The following PARVB variants were observed in gnomAD, a reference collection of about 807,000 sequenced individuals.
PARVB encodes the protein beta-parvin.
Under a neutral mutation model 47.0 loss-of-function variants are expected in PARVB, and 46 were observed. The observed-to-expected ratio is 0.98, with a 90% confidence interval of 0.77 to 1.25. The LOEUF (loss-of-function observed/expected upper bound fraction) is 1.25, where lower values mean the gene tolerates loss of function less well. Among genes scored for constraint, PARVB ranks in the 50% most tolerant of loss-of-function variants. PARVB has a pLI of 0.00. For missense variants in PARVB, 473 were observed against 471.6 expected, an observed-to-expected ratio of 1.00 and a Z score of -0.03; for synonymous variants, 196 against 196.3, an observed-to-expected ratio of 1.00 and a Z score of 0.01.
intron 1 of PARVB, among the ~76,000 whole-genome samples, chr22:44,035,795 C>A (rs1165009104): frequency 6.6e-6 from 1 of 151,372 alleles, no homozygotes; most frequent in Non-Finnish European, 1.5e-5. Context: ...CCAAACAGAT[C>A]ACTTTTTTTT....
rs562836653 is a variant in PARVB at position 44,132,813 on chromosome 22, G to A, written c.518-81G>A. ...CGCTGGGGTCTCATTTAGATGCTGT[G>A]TCTCTGTTGCCTTCTGCACGTGGGC... On this transcript the variant is annotated intron_variant, in intron 5 of 12. Coordinates refer to ENST00000338758, the MANE Select transcript of PARVB (RefSeq NM_013327.5). 1.7e-5 allele frequency: 15 copies of A among 858,862 alleles called. No individual in the cohort carries two copies. In the East Asian group the frequency reaches 3.8e-4, roughly 22 times the overall value. The allele number at this position is 858,862 out of a possible 1,614,324, so 53.2% of individuals were successfully genotyped here.
At chr22:44,146,705 G>T (rs908222732) in intron 8 of PARVB, 2 of 152,448 alleles carry the variant, frequency 1.3e-5, no homozygotes, top group Non-Finnish European at 2.9e-5. Flanking sequence ...GGCCAGGGCG[G>T]TCCCTGAGGA....
intron 7 of PARVB, 102 bp from the exon 8 acceptor site, chr22:44,140,022 C>A (rs1418398307): frequency 3.3e-6 from 5 of 1,499,292 alleles, no homozygotes; most frequent in African/African-American, 2.8e-5. Flanking sequence ...AGCGAGGGCC[C>A]AGCTTTCTGG....
At chr22:44,096,147 T>C (rs559503346) in intron 2 of PARVB, among the ~76,000 whole-genome samples, 1 of 152,206 alleles carries the variant, frequency 6.6e-6, no homozygotes, top group Admixed American at 6.5e-5. Flanking sequence ...ATCGCTTGAA[T>C]CCAGGAGGCG....
At position 44,089,263 on chromosome 22, in the gene PARVB, A is replaced by G. The variant is rs1051996066; in HGVS notation, c.113-4665A>G. 2.0e-5 allele frequency: 3 copies of G among 152,246 alleles called. No individual in the cohort carries two copies. The highest frequency in any genetic ancestry group is 4.8e-5 in the African/African-American group (2 of 41,432). 9.4% of individuals were successfully genotyped at this position (152,246 alleles called of 1,614,324 possible). On this transcript the variant is annotated intron_variant, in intron 1 of 12. Coordinates refer to ENST00000338758, the MANE Select transcript of PARVB (RefSeq NM_013327.5). This position sits in a 1 kb window ranked among gnomAD's most constrained non-coding sequence, Gnocchi z 4.0. The stretch of plus-strand genomic sequence containing the variant: ...TGGCTGGCTGCTGGGTTTCGTGTGG[A>G]CAGAGACATTCATCTTAGAACAATG...
At chr22:44,012,280 A>G (rs1475004672) in intron 2 of PARVB, among the ~76,000 whole-genome samples, 2 of 152,244 alleles carry the variant, frequency 1.3e-5, no homozygotes, top group Non-Finnish European at 2.9e-5. Flanking sequence ...TTGCTAATAA[A>G]TGAAAATCCA....
intron 1 of PARVB, among the ~76,000 whole-genome samples, chr22:44,043,401 C>T (rs750414184): frequency 9.2e-5 from 14 of 152,150 alleles, no homozygotes; most frequent in African/African-American, 2.6e-4. Flanking sequence ...TATTTTGAGA[C>T]GGAGTCTTGC....
intron 1 of PARVB, among the ~76,000 whole-genome samples, chr22:44,057,321 CAT>C (rs1334625720): frequency 6.6e-6 from 1 of 152,114 alleles, no homozygotes; most frequent in African/African-American, 2.4e-5. Flanking sequence ...CCAGTCGAGT[CAT>C]ATATAATGGG....
chr22:44,132,784 G>A (rs2053356439), intron 5 of PARVB, 110 bp from the exon 6 acceptor site: 1 of 677,642 alleles, frequency 1.5e-6, no homozygotes, highest in Non-Finnish European at 2.6e-6. Context: ...CTCCATCCTT[G>A]TCTCGCTGGG....
Position 44,172,462 on chromosome 22 carries a change from G to A in PARVB, c.*3784G>A, listed in dbSNP as rs752255839. ...GCCTGCAAGGCCCAAGTGGACGCTC[G>A]GACAAGGGCAGGAAGGTATTTGCTG... On this transcript the variant is annotated 3_prime_UTR_variant, in exon 13 of 13. Coordinates refer to ENST00000338758, the MANE Select transcript of PARVB (RefSeq NM_013327.5). 7 of 157,734 alleles carry A rather than the reference G, an allele frequency of 4.4e-5. No homozygotes were observed. The highest frequency in any genetic ancestry group is 1.8e-4 in the South Asian group (1 of 5,602). 9.8% of individuals were successfully genotyped at this position (157,734 alleles called of 1,614,324 possible). A position where few individuals can be genotyped will look rare whatever the true frequency, so the allele number is the denominator to read the frequency against.
chr22:44,088,100 A>G (rs1176265982), intron 1 of PARVB, among the ~76,000 whole-genome samples: 1 of 152,078 alleles, frequency 6.6e-6, no homozygotes, highest in Non-Finnish European at 1.5e-5. Flanking sequence ...CCAAGGTCAC[A>G]CACCTTGTCA....
In PARVB at chr22:44,170,065, A is replaced by G. The variant is rs1334576833; in HGVS notation, c.*1387A>G. 7.2e-6 allele frequency: 1 copy of G among 138,056 alleles called. No individual in the cohort carries two copies. The highest frequency in any genetic ancestry group is 1.5e-5 in the Non-Finnish European group (1 of 67,674). 8.6% of individuals were successfully genotyped at this position (138,056 alleles called of 1,614,324 possible). A position where few individuals can be genotyped will look rare whatever the true frequency, so the allele number is the denominator to read the frequency against. Reference sequence around the variant, plus strand: ...TGTCACCCAGGAGTAAAGTGGTGCCATCTCAGCTCACTGCAGCCTTGATCT... The same window carrying G: ...TGTCACCCAGGAGTAAAGTGGTGCCGTCTCAGCTCACTGCAGCCTTGATCT... On this transcript the variant is annotated 3_prime_UTR_variant, in exon 13 of 13. Coordinates refer to ENST00000338758, the MANE Select transcript of PARVB (RefSeq NM_013327.5).
Position 44,164,411 on chromosome 22 carries a change from C to CA in PARVB, c.1018+481_1018+482insA, listed in dbSNP as rs1555913772. Among the ~76,000 whole-genome samples the CA allele has an allele frequency of 4.2e-5, 6 of 142,996 alleles. No individual in the cohort carries two copies. The East Asian group carries it at 9.8e-4, about 23-fold the overall frequency. 93.8% of individuals were successfully genotyped at this position (142,996 alleles called of 152,430 possible). A position where few individuals can be genotyped will look rare whatever the true frequency, so the allele number is the denominator to read the frequency against. ...TGGGGCGGGCGGTTGCTTCCCTGTC[C>CA]CCCCCCCGGCTCCTGTGCCAAGTTA... On this transcript the variant is annotated intron_variant, in intron 12 of 12. Transcript: ENST00000338758.
chr22:44,035,368 CTTT>C (rs57745730), intron 1 of PARVB, among the ~76,000 whole-genome samples: 7 of 118,024 alleles, frequency 5.9e-5, no homozygotes, highest in South Asian at 2.8e-4. Flanking sequence ...TTTCTTTTTC[CTTT>C]TTTTTTTTTT....
intron 9 of PARVB, chr22:44,151,272 G>A (rs941660695): frequency 8.4e-5 from 44 of 524,010 alleles, no homozygotes; most frequent in Non-Finnish European, 1.1e-4. Flanking sequence ...GAGCAGAGAC[G>A]TGTAGCCAGG....
intron 9 of PARVB, 155 bp from the exon 10 acceptor site, chr22:44,151,328 A>C: frequency 1.6e-6 from 1 of 616,438 alleles, no homozygotes; most frequent in Non-Finnish European, 2.9e-6. Context: ...TACTGTCAGG[A>C]TATTGAGTTT....
chr22:44,132,859 A>T lies in PARVB; in HGVS notation c.518-35A>T. The T allele has an allele frequency of 2.0e-6, 3 of 1,467,964 alleles. No individual in the cohort carries two copies. In the South Asian group the frequency reaches 3.4e-5, roughly 17 times the overall value. 90.9% of individuals were successfully genotyped at this position (1,467,964 alleles called of 1,614,324 possible). ...TGGGCTCAGGTTCCTGTGTAACCTG[A>T]TCTAAAGCGTCTCCCTTCCTCCTTC... On this transcript the variant is annotated intron_variant, in intron 5 of 12. Coordinates refer to ENST00000338758, the MANE Select transcript of PARVB (RefSeq NM_013327.5).
At chr22:44,036,229 C>T (rs2050920675) in intron 1 of PARVB, among the ~76,000 whole-genome samples, 1 of 152,028 alleles carries the variant, frequency 6.6e-6, no homozygotes, top group South Asian at 2.1e-4. Context: ...TGCACTCCAG[C>T]CTGGGTGACA....
At chr22:44,093,046 G>A (rs951257811) in intron 1 of PARVB, among the ~76,000 whole-genome samples, 5 of 152,246 alleles carry the variant, frequency 3.3e-5, no homozygotes, top group African/African-American at 1.2e-4. Flanking sequence ...AGTGGCCAGG[G>A]CCCTACCTGC....
Sources: gnomAD v4.1 joint callset for allele counts (sites outside exome capture counted in the v4.1 genomes callset) on GRCh38, gnomAD v4.1.1 for gene constraint, Gnocchi (gnomAD v3.1) non-coding constraint, MANE v1.5 for transcripts, NCBI Gene and HGNC (gene_info 2026-07-23, HGNC 2026-07-21) for gene names.